The following ABCC9 variants were observed in gnomAD, a reference collection of about 807,000 sequenced individuals.
The protein encoded by ABCC9 is ATP-binding cassette sub-family C member 9.
Under a neutral mutation model 188.3 loss-of-function variants are expected in ABCC9, and 95 were observed. The observed-to-expected ratio is 0.50, with a 90% CI of 0.43 to 0.60. The LOEUF is 0.60. Ranked by LOEUF, ABCC9 falls within the 20% of genes least tolerant of loss-of-function variation. The pLI is 0.00. For missense variants in ABCC9, 1,102 were observed against 1,876.3 expected (o/e 0.59, Z 7.62); for synonymous variants, 659 against 652.7 (o/e 1.01, Z -0.15).
At chr12:21,865,123 T>C (rs985139310) in intron 18 of ABCC9, among the ~76,000 whole-genome samples, 3 of 152,140 alleles carry the variant, frequency 2.0e-5, no homozygotes, top group Non-Finnish European at 2.9e-5. Context: ...ATTGTTCTAA[T>C]TTTTTATAAT....
At chr12:21,856,054 G>C (rs544164898) in intron 22 of ABCC9, among the ~76,000 whole-genome samples, 20 of 152,256 alleles carry the variant, frequency 1.3e-4, no homozygotes, top group African/African-American at 4.8e-4. Flanking sequence ...ACCTAGGAGA[G>C]TTATTATGAG....
chr12:21,910,434 T>A, intron 9 of ABCC9, 122 bp from the exon 10 acceptor site: 1 of 982,340 alleles, frequency 1.0e-6, no homozygotes, highest in Non-Finnish European at 1.5e-6. Flanking sequence ...AGAAAAATTC[T>A]ATAGGATCAT....
intron 15 of ABCC9, among the ~76,000 whole-genome samples, chr12:21,884,817 T>C (rs759851132): frequency 6.6e-6 from 1 of 152,202 alleles, no homozygotes; most frequent in Non-Finnish European, 1.5e-5. Context: ...AACTTTATTT[T>C]AGTTTTGTTT....
chr12:21,838,451 A>G (rs995237504), intron 29 of ABCC9, among the ~76,000 whole-genome samples: 1 of 152,222 alleles, frequency 6.6e-6, no homozygotes, highest in Non-Finnish European at 1.5e-5. Context: ...ATTCAGTGGA[A>G]TGAGCACTTA....
chr12:21,903,384 C>A (rs1178181775), intron 12 of ABCC9, among the ~76,000 whole-genome samples: 1 of 152,148 alleles, frequency 6.6e-6, no homozygotes, highest in Non-Finnish European at 1.5e-5. Flanking sequence ...CAGGGATGCC[C>A]TCTCTCATCA....
intron 18 of ABCC9, among the ~76,000 whole-genome samples, chr12:21,869,299 A>G (rs970497442): frequency 1.3e-5 from 2 of 152,282 alleles, no homozygotes; most frequent in African/African-American, 2.4e-5. Flanking sequence ...TGCTGAATCT[A>G]TTCACTTTGG....
At chr12:21,863,519 T>C (rs1945630373) in intron 19 of ABCC9, among the ~76,000 whole-genome samples, 1 of 152,200 alleles carries the variant, frequency 6.6e-6, no homozygotes, top group South Asian at 2.1e-4. Context: ...TATTTTATGG[T>C]AATAGATAAT....
intron 14 of ABCC9, among the ~76,000 whole-genome samples, chr12:21,892,728 A>G (rs1310167212): frequency 6.6e-6 from 1 of 152,232 alleles, no homozygotes; most frequent in Non-Finnish European, 1.5e-5. Flanking sequence ...AAGATGATTT[A>G]TATGCATTTT....
chr12:21,824,203 G>T (rs56178300), intron 31 of ABCC9, among the ~76,000 whole-genome samples: 20,582 of 152,060 alleles, frequency 0.14, 1,594 homozygotes, highest in Middle Eastern at 0.28. Context: ...AGCATGAAGG[G>T]GTGTTGAATT....
intron 29 of ABCC9, among the ~76,000 whole-genome samples, chr12:21,841,652 C>G (rs922848729): frequency 3.9e-5 from 6 of 151,902 alleles, no homozygotes; most frequent in African/African-American, 1.5e-4. Flanking sequence ...CCACCACGCC[C>G]GGCCTATGTT....
chr12:21,811,478 C>G (rs1464643175), intron 36 of ABCC9, among the ~76,000 whole-genome samples: 1 of 152,210 alleles, frequency 6.6e-6, no homozygotes, highest in Middle Eastern at 3.4e-3. Context: ...TCAAAACCCT[C>G]ATCTATAAAA....
In ABCC9 at chr12:21,852,353, C is replaced by T; in HGVS notation, c.2643+15G>A. ...ATAATATAAAAATGAGCAAAATTCT[C>T]TTCTAAACTCTTACCCAGTCAGCAT... On this transcript the variant is annotated intron_variant, in intron 23 of 39. Transcript: ENST00000261200. 1 of 1,613,816 alleles carries T rather than the reference C, an allele frequency of 6.2e-7. No individual in the cohort carries two copies. Among genetic ancestry groups the T allele is most frequent in the Non-Finnish European group, 8.5e-7 (1 of 1,179,928 alleles).
intron 16 of ABCC9, 124 bp from the exon 17 acceptor site, chr12:21,875,850 C>A: frequency 1.5e-6 from 1 of 685,306 alleles, no homozygotes; most frequent in Non-Finnish European, 2.5e-6. Flanking sequence ...TTTGGGAGAC[C>A]AAGGCAGGTG....
Position 21,926,011 on chromosome 12 carries a change from C to G in ABCC9, c.337G>C (p.Val113Leu). The G allele has an allele frequency of 6.2e-7, 1 of 1,614,052 alleles. No homozygotes were observed. Among genetic ancestry groups the G allele is most frequent in the Non-Finnish European group, 8.5e-7 (1 of 1,179,998 alleles). ...TACACTATCGATGTTGTAGTGGCAA[C>G]GAATCCCATCACGGCTGGCATAAAG... ...HLFMPAVMGFVATTTSIVYYH... is the reference protein window; with the variant it reads ...HLFMPAVMGFLATTTSIVYYH... Residue 113 changes from valine (V) to leucine (L), a missense_variant, in exon 5 of 40, where the codon GTT becomes CTT. By Grantham distance (32) the Val-to-Leu change is conservative (BLOSUM62 1). Coordinates refer to ENST00000261200, the MANE Select transcript of ABCC9 (RefSeq NM_020297.4).
chr12:21,817,119 G>C, intron 33 of ABCC9, 68 bp downstream of exon 33: 5 of 1,533,348 alleles, frequency 3.3e-6, no homozygotes, highest in Non-Finnish European at 3.6e-6. Context: ...ACAACAATGT[G>C]CCCAACAAAC....
intron 14 of ABCC9, among the ~76,000 whole-genome samples, chr12:21,889,244 T>G (rs959454150): frequency 2.0e-5 from 3 of 152,156 alleles, no homozygotes; most frequent in Non-Finnish European, 4.4e-5. Context: ...AGGTAATTAT[T>G]TAGGAAGAGC....
intron 14 of ABCC9, among the ~76,000 whole-genome samples, chr12:21,890,993 A>AC (rs1003579454): frequency 9.9e-5 from 15 of 152,162 alleles, no homozygotes; most frequent in African/African-American, 2.9e-4. Context: ...TAAAAAAAAA[A>AC]ATCTTTACTG....
chr12:21,923,838 C>G (rs1440909115), intron 5 of ABCC9: 2 of 700,154 alleles, frequency 2.9e-6, no homozygotes, highest in Non-Finnish European at 5.2e-6. Flanking sequence ...GCAGCTTTTA[C>G]TCTCATGATG....
chr12:21,872,567 C>T, intron 18 of ABCC9, 58 bp downstream of exon 18: 1 of 1,325,084 alleles, frequency 7.5e-7, no homozygotes, highest in South Asian at 1.2e-5. Flanking sequence ...AAGTTCTTTC[C>T]TTGGAAGATT....
Sources: allele counts gnomAD v4.1 joint callset (sites outside exome capture counted in the v4.1 genomes callset), GRCh38; gene constraint gnomAD v4.1.1; transcripts MANE v1.5; gene names NCBI Gene and HGNC (gene_info 2026-07-23, HGNC 2026-07-21).